The following C1orf94 variants were observed in gnomAD, a reference collection of about 807,000 sequenced individuals.
The protein encoded by C1orf94 is chromosome 1 open reading frame 94, also known as uncharacterized protein C1orf94.
Under a neutral mutation model 53.6 loss-of-function variants are expected in C1orf94, and 45 were observed. The ratio of observed to expected loss-of-function variants is 0.84; its 90% confidence interval spans 0.66 to 1.08. The LOEUF (loss-of-function observed/expected upper bound fraction) is 1.08, where lower values mean the gene tolerates loss of function less well. Among genes scored for constraint, C1orf94 ranks in the 50% least tolerant of loss-of-function variants. The pLI is 0.00. For missense variants in C1orf94, 762 were observed against 738.9 expected (o/e 1.03, Z -0.36); for synonymous variants, 304 against 296.1 (o/e 1.03, Z -0.27).
intron 1 of C1orf94, among the ~76,000 whole-genome samples, chr1:34,196,425 A>C (rs935145699): frequency 3.9e-5 from 6 of 152,148 alleles, no homozygotes; most frequent in Non-Finnish European, 7.4e-5. Context: ...GGTGCTGTAC[A>C]TGAAGGGAGG....
chr1:34,210,983 T>C (rs1184141909), intron 5 of C1orf94, among the ~76,000 whole-genome samples: 2 of 151,186 alleles, frequency 1.3e-5, no homozygotes, highest in African/African-American at 4.9e-5. Flanking sequence ...TAGATAAGGG[T>C]GTATGGGGTG....
intron 1 of C1orf94, among the ~76,000 whole-genome samples, chr1:34,185,758 T>G (rs1642375526): frequency 6.6e-6 from 1 of 152,218 alleles, no homozygotes. Context: ...TTTCATCTTC[T>G]GAAGCAGGTC....
At chr1:34,215,577 T>A (rs1278762005) in intron 6 of C1orf94, among the ~76,000 whole-genome samples, 1 of 152,082 alleles carries the variant, frequency 6.6e-6, no homozygotes, top group Non-Finnish European at 1.5e-5. Context: ...GGTGAAAAGA[T>A]CTGTGATGTG....
chr1:34,175,506 A>G (rs143709102), upstream of C1orf94, among the ~76,000 whole-genome samples: 39 of 152,342 alleles, frequency 2.6e-4, no homozygotes, highest in South Asian at 1.7e-3. Flanking sequence ...CTAGGCCCTC[A>G]GAATTTTCCC....
intron 5 of C1orf94, 96 bp from the exon 6 acceptor site, chr1:34,212,114 T>C (rs1642898452): frequency 3.6e-6 from 4 of 1,124,156 alleles, no homozygotes; most frequent in African/African-American, 3.2e-5. Flanking sequence ...CAGCAGTGAC[T>C]GAGGAGCACA....
intron 4 of C1orf94, among the ~76,000 whole-genome samples, chr1:34,203,314 A>G (rs1441135870): frequency 1.3e-5 from 2 of 152,078 alleles, no homozygotes; most frequent in Non-Finnish European, 2.9e-5. Context: ...TTTAGTAGAG[A>G]CTGGGTTTCA....
chr1:34,200,751 T>C (rs1172033081), intron 2 of C1orf94, 21 bp from the exon 3 acceptor site: 2 of 1,613,336 alleles, frequency 1.2e-6, no homozygotes, highest in African/African-American at 2.7e-5. Context: ...AGGCATTGAC[T>C]CAGTTTCTTT....
At chr1:34,186,114 A>C (rs1993911) in intron 1 of C1orf94, among the ~76,000 whole-genome samples, 77,283 of 152,056 alleles carry the variant, frequency 0.51, 19,803 homozygotes, top group South Asian at 0.64. Flanking sequence ...TTTTAATTGA[A>C]ATAAACAACT....
chr1:34,191,876 T>C (rs148062014), intron 1 of C1orf94, among the ~76,000 whole-genome samples: 21 of 152,308 alleles, frequency 1.4e-4, no homozygotes, highest in African/African-American at 4.6e-4. Flanking sequence ...ATAGCCTTTA[T>C]TTTTGTATGA....
intron 1 of C1orf94, among the ~76,000 whole-genome samples, chr1:34,193,808 C>T (rs1327118127): frequency 6.6e-6 from 1 of 152,212 alleles, no homozygotes; most frequent in African/African-American, 2.4e-5. Flanking sequence ...ATTGTAGAGG[C>T]TGGCAAGAGA....
intron 1 of C1orf94, among the ~76,000 whole-genome samples, chr1:34,184,552 G>A (rs1642357474): frequency 6.6e-6 from 1 of 152,106 alleles, no homozygotes; most frequent in Non-Finnish European, 1.5e-5. Flanking sequence ...AGCATTTTTT[G>A]AAAAACAGAA....
At chr1:34,198,483 A>G (rs924635715) in intron 2 of C1orf94, among the ~76,000 whole-genome samples, 3 of 152,200 alleles carry the variant, frequency 2.0e-5, no homozygotes, top group African/African-American at 7.2e-5. Context: ...CATTCTTCCC[A>G]GGAAAGCCAG....
At chr1:34,193,823 T>C (rs1030286337) in intron 1 of C1orf94, among the ~76,000 whole-genome samples, 1 of 152,182 alleles carries the variant, frequency 6.6e-6, no homozygotes, top group Non-Finnish European at 1.5e-5. Flanking sequence ...AAGAGAAGAA[T>C]GGATATCCTG....
chr1:34,212,731 G>C (rs560091108), intron 6 of C1orf94, among the ~76,000 whole-genome samples: 7 of 152,286 alleles, frequency 4.6e-5, no homozygotes, highest in Non-Finnish European at 1.0e-4. Context: ...CTTTACCCAT[G>C]TGCTTGGTTA....
At chr1:34,207,212 G>A (rs57986318) in intron 4 of C1orf94, among the ~76,000 whole-genome samples, 2,001 of 152,184 alleles carry the variant, frequency 0.013, 40 homozygotes, top group African/African-American at 0.045. Flanking sequence ...GACAGGTGGA[G>A]GCAGAGTCTG....
chr1:34,199,877 C>G (rs1180489303), intron 2 of C1orf94, among the ~76,000 whole-genome samples: 2 of 152,218 alleles, frequency 1.3e-5, no homozygotes, highest in Non-Finnish European at 2.9e-5. Flanking sequence ...ATGCCTTCCT[C>G]CCCAATACCC....
intron 5 of C1orf94, 58 bp downstream of exon 5, chr1:34,208,292 G>T: frequency 6.5e-7 from 1 of 1,530,456 alleles, no homozygotes; most frequent in Non-Finnish European, 8.9e-7. Context: ...TGGGTCAGAG[G>T]GTGCATCTGC....
chr1:34,186,970 T>C (rs1571338648), intron 1 of C1orf94, among the ~76,000 whole-genome samples: 1 of 152,116 alleles, frequency 6.6e-6, no homozygotes, highest in African/African-American at 2.4e-5. Context: ...GAATGGTGAA[T>C]AAGCCATAAA....
Position 34,218,801 on chromosome 1 carries a change from A to G in C1orf94, c.*40A>G. 2.6e-6 allele frequency: 4 copies of G among 1,531,870 alleles called. No homozygotes were observed. Among genetic ancestry groups the G allele is most frequent in the Non-Finnish European group, 2.7e-6 (3 of 1,124,896 alleles). The allele number at this position is 1,531,870 out of a possible 1,614,324, so 94.9% of individuals were successfully genotyped here. ...CTTCTCCTCCCTTAGCCCTTGGATC[A>G]GGACTAGGGGCTCTGATTTTTGGAT... On this transcript the variant is annotated 3_prime_UTR_variant, in exon 7 of 7. Coordinates refer to ENST00000488417, the MANE Select transcript of C1orf94 (RefSeq NM_001134734.2).
Sources: gnomAD v4.1 joint callset for allele counts (sites outside exome capture counted in the v4.1 genomes callset) on GRCh38, gnomAD v4.1.1 for gene constraint, MANE v1.5 for transcripts, NCBI Gene and HGNC (gene_info 2026-07-23, HGNC 2026-07-21) for gene names.